The following ELN variants were observed in gnomAD, a reference collection of about 807,000 sequenced individuals.
The protein encoded by ELN is elastin.
Under a neutral mutation model 105.8 loss-of-function variants are expected in ELN, and 65 were observed. The observed-to-expected ratio is 0.61, with a 90% CI of 0.50 to 0.75. ELN has a LOEUF of 0.75. ELN is among the 30% of genes least tolerant of loss of function. The pLI, the probability that ELN is intolerant of heterozygous loss-of-function variation, is 0.00. For synonymous variants in ELN, 368 were observed against 389.2 expected (o/e 0.95, Z 0.64); for missense variants, 882 against 969.4 (o/e 0.91, Z 1.20).
intron 11 of ELN, 122 bp from the exon 12 acceptor site, chr7:74,046,574 C>T (rs1292965171): frequency 2.9e-6 from 3 of 1,052,122 alleles, no homozygotes; most frequent in Admixed American, 2.0e-5. Flanking sequence ...GGGAGTCCCT[C>T]GAAGCAGGAT....
chr7:74,055,968 G>T (rs1554679325), intron 19 of ELN, among the ~76,000 whole-genome samples: 1 of 151,554 alleles, frequency 6.6e-6, no homozygotes, highest in Non-Finnish European at 1.5e-5. Context: ...TGTATTTTTA[G>T]TAGAGATGGG....
chr7:74,037,893 C>A, intron 4 of ELN, 154 bp downstream of exon 4: 3 of 1,158,088 alleles, frequency 2.6e-6, no homozygotes, highest in Admixed American at 2.1e-5. Context: ...ATTAGCCTCC[C>A]AAGGATGAGT....
At chr7:74,056,538 G>A (rs2132071751) in intron 20 of ELN, 103 bp downstream of exon 20, 1 of 1,603,008 alleles carries the variant, frequency 6.2e-7, no homozygotes, top group Non-Finnish European at 8.5e-7. Context: ...GGGCTTGAAT[G>A]TGCTCAGGGA....
At chr7:74,047,858 G>A (rs1044523244) in intron 13 of ELN, 142 bp downstream of exon 13, 20 of 1,256,816 alleles carry the variant, frequency 1.6e-5, no homozygotes, top group Middle Eastern at 2.1e-4. Context: ...ATCTCAGAAG[G>A]AAAGGGCATG....
intron 21 of ELN, chr7:74,057,280 C>T: frequency 1.1e-6 from 1 of 913,976 alleles, no homozygotes; most frequent in East Asian, 2.9e-5. Context: ...TTGAAGGTGC[C>T]AGGAAGCCAT....
In ELN at chr7:74,063,128, C is replaced by T; in HGVS notation, c.1787-25C>T. The stretch of plus-strand genomic sequence containing the variant: ...AGACCCATCGTTCAGAAATGGAACA[C>T]TCATTTTCCCTCCTCTCCCCGCAGG... On this transcript the variant is annotated intron_variant, in intron 26 of 32. Transcript: ENST00000252034. This position sits in a 1 kb window ranked among gnomAD's most constrained non-coding sequence, Gnocchi z 4.1. 6.3e-7 allele frequency: 1 copy of T among 1,591,582 alleles called. No individual in the cohort carries two copies. The highest frequency in any genetic ancestry group is 8.5e-7 in the Non-Finnish European group (1 of 1,169,884).
rs782178542 is a variant in ELN, at chr7:74,059,999, G to T, written c.1528G>T (p.Ala510Ser). Residue 510 changes from alanine (A) to serine (S), a missense_variant, in exon 23 of 33, where the codon GCT becomes TCT. By Grantham distance (99) the Ala-to-Ser change is moderately conservative. Transcript: ENST00000252034. ...GVGVAPGVGV[A>S]PGVGVAPGIG... ...TGGCGTGGCTCCTGGAGTTGGTGTG[G>T]CTCCTGGCGTTGGCGTGGCTCCCGG... The T allele has an allele frequency of 7.9e-5, 127 of 1,613,898 alleles. No individual in the cohort carries two copies. The highest frequency in any genetic ancestry group is 1.0e-4 in the Non-Finnish European group (123 of 1,179,978).
chr7:74,033,278 C>A (rs1789114423), intron 1 of ELN, among the ~76,000 whole-genome samples: 1 of 152,250 alleles, frequency 6.6e-6, no homozygotes, highest in Admixed American at 6.5e-5. Flanking sequence ...TCCCTGCAGT[C>A]TGCTCTGGAG....
intron 1 of ELN, among the ~76,000 whole-genome samples, chr7:74,030,569 A>AT (rs1554661656): frequency 1.1e-5 from 1 of 93,634 alleles, no homozygotes; most frequent in Non-Finnish European, 2.4e-5. Context: ...TACCTTTTTT[A>AT]TTTTTTTTAA....
intron 2 of ELN, 156 bp downstream of exon 2, chr7:74,035,570 A>C: frequency 1.2e-6 from 1 of 864,208 alleles, no homozygotes; most frequent in East Asian, 2.7e-5. Flanking sequence ...ATTGATTTAC[A>C]GCTATTAAGA....
chr7:74,054,621 T>C (rs537309416), intron 18 of ELN, 95 bp from the exon 19 acceptor site: 3 of 1,280,384 alleles, frequency 2.3e-6, no homozygotes, highest in Admixed American at 1.7e-5. Flanking sequence ...TGAAAGGAGA[T>C]GGCCCAACAC....
intron 32 of ELN, among the ~76,000 whole-genome samples, chr7:74,068,072 A>G (rs1364905388): frequency 3.3e-5 from 5 of 151,986 alleles, no homozygotes; most frequent in East Asian, 1.9e-4. Flanking sequence ...GGGCCGCGCT[A>G]CTAGACAATG....
At chr7:74,041,051 C>T (rs1791085108) in intron 4 of ELN, among the ~76,000 whole-genome samples, 165 bp from the exon 5 acceptor site, 1 of 152,158 alleles carries the variant, frequency 6.6e-6, no homozygotes, top group South Asian at 2.1e-4. Context: ...CACTAAACTA[C>T]TGGTGGATGC....
Position 74,059,876 on chromosome 7 carries a change from A to G in ELN, c.1415-10A>G, listed in dbSNP as rs1563851696. The G allele has an allele frequency of 8.7e-7, 1 of 1,148,796 alleles. No homozygotes were observed. Among genetic ancestry groups the G allele is most frequent in the African/African-American group, 1.5e-5 (1 of 65,980 alleles). 71.2% of individuals were successfully genotyped at this position (1,148,796 alleles called of 1,614,324 possible). A position where few individuals can be genotyped will look rare whatever the true frequency, so the allele number is the denominator to read the frequency against. ...TCTTGGTTAATGATCAGCTCTTCTC[A>G]ATCTTGCAGGGTTAGTTCCTGGTGT... On this transcript the variant is annotated splice_polypyrimidine_tract_variant and intron_variant, in intron 22 of 32. Coordinates refer to ENST00000252034, the MANE Select transcript of ELN (RefSeq NM_000501.4).
In ELN at chr7:74,068,774, T is replaced by C; in HGVS notation, c.*74T>C. On this transcript the variant is annotated 3_prime_UTR_variant, in exon 33 of 33. Coordinates refer to ENST00000252034, the MANE Select transcript of ELN (RefSeq NM_000501.4). Reference sequence around the variant, plus strand: ...CTTGGTGGAGAATGTAAACCCTTTGTAACCCCATCCCATGCCCCTCCGACT... The same window carrying C: ...CTTGGTGGAGAATGTAAACCCTTTGCAACCCCATCCCATGCCCCTCCGACT... 4 of 1,581,554 alleles carry C rather than the reference T, an allele frequency of 2.5e-6. No individual in the cohort carries two copies. Among genetic ancestry groups the C allele is most frequent in the Non-Finnish European group, 3.5e-6 (4 of 1,150,760 alleles).
chr7:74,038,925 G>A (rs1258780765), intron 4 of ELN, among the ~76,000 whole-genome samples: 1 of 152,238 alleles, frequency 6.6e-6, no homozygotes, highest in African/African-American at 2.4e-5. Context: ...GACCCTGGGA[G>A]CTTGCCACTT....
At chr7:74,051,087 G>A (rs1554675713) in intron 15 of ELN, among the ~76,000 whole-genome samples, 1 of 152,230 alleles carries the variant, frequency 6.6e-6, no homozygotes, top group African/African-American at 2.4e-5. Flanking sequence ...TGCCCGTGCA[G>A]TGGGTGGAGT....
chr7:74,049,593 G>A (rs542507685), intron 15 of ELN, among the ~76,000 whole-genome samples: 1 of 115,920 alleles, frequency 8.6e-6, no homozygotes, highest in Admixed American at 8.5e-5. Context: ...CTCCATGCAT[G>A]CATCCATCCT....
At chr7:74,058,067 T>C (rs1795720272) in intron 22 of ELN, among the ~76,000 whole-genome samples, 1 of 151,470 alleles carries the variant, frequency 6.6e-6, no homozygotes, top group African/African-American at 2.4e-5. Flanking sequence ...CTTCTTCTTC[T>C]TCTTCTTTCT....
Sources: allele counts gnomAD v4.1 joint callset (sites outside exome capture counted in the v4.1 genomes callset), GRCh38; gene constraint gnomAD v4.1.1; non-coding constraint Gnocchi (gnomAD v3.1); transcripts MANE v1.5; gene names NCBI Gene and HGNC (gene_info 2026-07-23, HGNC 2026-07-21).